Variants in TMEM154 observed in about 807,000 individuals in gnomAD.
TMEM154 encodes transmembrane protein 154.
In TMEM154, 27 loss-of-function variants were observed where a neutral mutation model predicts 24.5. The observed-to-expected ratio is 1.10, with a 90% CI of 0.81 to 1.52. The LOEUF (loss-of-function observed/expected upper bound fraction) is 1.52, where lower values mean the gene tolerates loss of function less well. TMEM154 is among the 40% of genes most tolerant of loss of function. The probability of loss-of-function intolerance (pLI) is 0.00; values close to 1 mark genes in which losing one functional copy is unlikely to be tolerated. For synonymous variants in TMEM154, 67 were observed against 76.8 expected (o/e 0.87, Z 0.67); for missense variants, 228 against 213.4 (o/e 1.07, Z -0.43).
intron 1 of TMEM154, among the ~76,000 whole-genome samples, chr4:152,672,517 T>A (rs1728861711): frequency 6.6e-6 from 1 of 152,190 alleles, no homozygotes; most frequent in Non-Finnish European, 1.5e-5. Flanking sequence ...TGGGTTTAGC[T>A]TTTAGGAATC....
In TMEM154 at chr4:152,619,044, G is replaced by A. The variant is rs940683609; in HGVS notation, c.*9502C>T. The A allele has an allele frequency of 3.3e-5, 5 of 152,220 alleles. No individual in the cohort carries two copies. The highest frequency in any genetic ancestry group is 4.8e-5 in the African/African-American group (2 of 41,450). 9.4% of individuals were successfully genotyped at this position (152,220 alleles called of 1,614,324 possible). A position where few individuals can be genotyped will look rare whatever the true frequency, so the allele number is the denominator to read the frequency against. On this transcript the variant is annotated 3_prime_UTR_variant, in exon 7 of 7. Coordinates refer to ENST00000304385, the MANE Select transcript of TMEM154 (RefSeq NM_152680.3). ...TGGTTTTTCTGTTATTATGGAGCGTGCAGTAGCGCCAAGCACTTTTCAGGA... is the reference window on the plus strand; with the variant it reads ...TGGTTTTTCTGTTATTATGGAGCGTACAGTAGCGCCAAGCACTTTTCAGGA...
chr4:152,637,476 C>T (rs113740848), intron 6 of TMEM154, among the ~76,000 whole-genome samples: 2 of 151,952 alleles, frequency 1.3e-5, no homozygotes, highest in Non-Finnish European at 2.9e-5. Context: ...ACCCAGGAGG[C>T]AGAGGCTGCA....
At chr4:152,671,614 G>A (rs1728838797) in intron 1 of TMEM154, among the ~76,000 whole-genome samples, 1 of 149,828 alleles carries the variant, frequency 6.7e-6, no homozygotes, top group Non-Finnish European at 1.5e-5. Flanking sequence ...GGGCGTAGTG[G>A]CGGGCGCCTG....
chr4:152,636,859 T>C (rs1175630897), intron 6 of TMEM154, among the ~76,000 whole-genome samples: 1 of 152,232 alleles, frequency 6.6e-6, no homozygotes, highest in Non-Finnish European at 1.5e-5. Context: ...GCTTTGTTTA[T>C]CAGGAGAAAG....
intron 3 of TMEM154, among the ~76,000 whole-genome samples, chr4:152,652,068 C>G (rs945713287): frequency 6.6e-6 from 1 of 152,176 alleles, no homozygotes; most frequent in Non-Finnish European, 1.5e-5. Context: ...AGCATGGTTT[C>G]AGGCACTCCA....
Position 152,667,477 on chromosome 4 carries a change from G to C in TMEM154, c.64+12393C>G, listed in dbSNP as rs147824659. On this transcript the variant is annotated intron_variant, in intron 1 of 6. Transcript: ENST00000304385. The stretch of plus-strand genomic sequence containing the variant: ...TTCATGCATTTGCCCCCACGTAAAG[G>C]TCAGGTGACTTGATTCTCTCTGGGA... 2.6e-5 allele frequency among the ~76,000 whole-genome samples: 4 copies of C among 152,270 alleles called. No individual in the cohort carries two copies. In the East Asian group the frequency reaches 5.8e-4, roughly 22 times the overall value.
chr4:152,645,940 C>A (rs1456619717), intron 3 of TMEM154, among the ~76,000 whole-genome samples: 1 of 102,332 alleles, frequency 9.8e-6, no homozygotes, highest in Admixed American at 8.4e-5. Context: ...AGAATACACA[C>A]ACACACACAC....
intron 1 of TMEM154, among the ~76,000 whole-genome samples, chr4:152,654,753 C>A (rs1285027419): frequency 6.6e-6 from 1 of 152,196 alleles, no homozygotes; most frequent in African/African-American, 2.4e-5. Context: ...AATCTTCTAG[C>A]ACCTTTGATC....
At chr4:152,636,964 A>G (rs543239450) in intron 6 of TMEM154, among the ~76,000 whole-genome samples, 6 of 152,318 alleles carry the variant, frequency 3.9e-5, no homozygotes, top group Non-Finnish European at 1.5e-5. Context: ...ATGACAGAGG[A>G]AGAATCATGC....
chr4:152,641,248 C>A (rs996853362), intron 5 of TMEM154: 6 of 402,060 alleles, frequency 1.5e-5, no homozygotes, highest in Non-Finnish European at 2.6e-5. Flanking sequence ...GTTATTCTGT[C>A]CCTGCAGCAC....
chr4:152,650,486 A>C (rs147932458), intron 3 of TMEM154, among the ~76,000 whole-genome samples: 1 of 152,088 alleles, frequency 6.6e-6, no homozygotes, highest in Non-Finnish European at 1.5e-5. Context: ...TTCTTATCCT[A>C]GTTCTCTTGT....
rs1751842317 is a variant in TMEM154, at chr4:152,621,436, C to T, written c.*7110G>A. 1 of 152,242 alleles carries T rather than the reference C, an allele frequency of 6.6e-6. No homozygotes were observed. The highest frequency in any genetic ancestry group is 1.5e-5 in the Non-Finnish European group (1 of 68,042). The allele number at this position is 152,242 out of a possible 1,614,324, so 9.4% of individuals were successfully genotyped here. ...TGGTCAAGATGCATCCTTTCCCTAA[C>T]TCTGTGGGACTGCATGCTCTTTGGG... On this transcript the variant is annotated 3_prime_UTR_variant, in exon 7 of 7. Coordinates refer to ENST00000304385, the MANE Select transcript of TMEM154 (RefSeq NM_152680.3).
At chr4:152,632,493 T>C (rs1242208969) in intron 6 of TMEM154, among the ~76,000 whole-genome samples, 1 of 152,244 alleles carries the variant, frequency 6.6e-6, no homozygotes, top group Non-Finnish European at 1.5e-5. Context: ...AACCAGTTAT[T>C]CTTCCAGATG....
intron 1 of TMEM154, among the ~76,000 whole-genome samples, chr4:152,661,280 C>CTCTT (rs1178130143): frequency 1.0e-5 from 1 of 96,202 alleles, no homozygotes; most frequent in Non-Finnish European, 2.1e-5. Context: ...AGGGATTGTT[C>CTCTT]TCTTTCTCTC....
Position 152,647,366 on chromosome 4 carries a change from C to T in TMEM154, c.365-2924G>A, listed in dbSNP as rs899856356. On this transcript the variant is annotated intron_variant, in intron 3 of 6. Coordinates refer to ENST00000304385, the MANE Select transcript of TMEM154 (RefSeq NM_152680.3). ...AAATTTTGCTCATGTAAATATTCTG[C>T]TTTTATTAACTTTTAGCATTCAGTT... 5.1e-6 allele frequency: 5 copies of T among 976,856 alleles called. No individual in the cohort carries two copies. The African/African-American group carries it at 8.8e-5, about 17-fold the overall frequency. The allele number at this position is 976,856 out of a possible 1,614,324, so 60.5% of individuals were successfully genotyped here. A position where few individuals can be genotyped will look rare whatever the true frequency, so the allele number is the denominator to read the frequency against.
chr4:152,673,394 A>G (rs977117844), intron 1 of TMEM154, among the ~76,000 whole-genome samples: 3 of 152,124 alleles, frequency 2.0e-5, no homozygotes, highest in African/African-American at 7.2e-5. Context: ...ATTGCCTTCC[A>G]GGTTCAAGCA....
chr4:152,662,314 A>G (rs1728628446), intron 1 of TMEM154, among the ~76,000 whole-genome samples: 1 of 152,184 alleles, frequency 6.6e-6, no homozygotes, highest in Non-Finnish European at 1.5e-5. Flanking sequence ...GAGAATTGAC[A>G]GAAACTAAGG....
At chr4:152,652,607 T>C in intron 2 of TMEM154, 31 bp from the exon 3 acceptor site, 3 of 1,613,990 alleles carry the variant, frequency 1.9e-6, no homozygotes, top group Non-Finnish European at 2.5e-6. Context: ...TTTTGTTTTA[T>C]TGATTGTTCA....
At chr4:152,648,819 C>A (rs1053413482) in intron 3 of TMEM154, among the ~76,000 whole-genome samples, 4 of 152,190 alleles carry the variant, frequency 2.6e-5, no homozygotes, top group East Asian at 1.9e-4. Context: ...AACATCCCCC[C>A]ACCCCTTGAG....
Sources: gnomAD v4.1 joint callset for allele counts (sites outside exome capture counted in the v4.1 genomes callset) on GRCh38, gnomAD v4.1.1 for gene constraint, MANE v1.5 for transcripts, NCBI Gene and HGNC (gene_info 2026-07-23, HGNC 2026-07-21) for gene names.